The following KRTCAP2 variants were observed in gnomAD, a reference collection of about 807,000 sequenced individuals.
KRTCAP2 encodes the protein keratinocyte associated protein 2, also known as dolichyl-diphosphooligosaccharide--protein glycosyltransferase subunit KCP2.
KRTCAP2 carries 10 observed loss-of-function variants against 16.5 expected under a neutral mutation model. That is an observed-to-expected ratio of 0.60 (90% CI 0.37 to 1.02). The LOEUF (loss-of-function observed/expected upper bound fraction) is 1.02, where lower values mean the gene tolerates loss of function less well. Among genes scored for constraint, KRTCAP2 ranks in the 50% least tolerant of loss-of-function variants. KRTCAP2 has a pLI of 0.01. For missense variants in KRTCAP2, 152 were observed against 159.6 expected, an observed-to-expected ratio of 0.95 and a Z score of 0.26; for synonymous variants, 68 against 69.8, an observed-to-expected ratio of 0.97 and a Z score of 0.13.
In KRTCAP2 at chr1:155,172,679, G is replaced by T. The variant is rs375445153; in HGVS notation, c.160-51C>A. ...GTGTGCAACGGGGACAGAGCTGTGT[G>T]GGGAAGGGGAAGGGCACATGCCTAC... On this transcript the variant is annotated intron_variant, in intron 2 of 4. Coordinates refer to ENST00000295682, the MANE Select transcript of KRTCAP2 (RefSeq NM_173852.4). 54 of 1,613,950 alleles carry T rather than the reference G, an allele frequency of 3.3e-5. No individual in the cohort carries two copies. In the African/African-American group the frequency reaches 6.7e-4, roughly 20 times the overall value.
At position 155,171,501 on chromosome 1, in the gene KRTCAP2, T is replaced by C. The variant is rs187975915; in HGVS notation, c.223+1064A>G. 411 of 983,086 alleles carry C rather than the reference T, an allele frequency of 4.2e-4. 6 individuals carry two copies. In the Admixed American group the frequency reaches 0.021, roughly 51 times the overall value. The allele number at this position is 983,086 out of a possible 1,614,324, so 60.9% of individuals were successfully genotyped here. A position where few individuals can be genotyped will look rare whatever the true frequency, so the allele number is the denominator to read the frequency against. Reference sequence around the variant, plus strand: ...AGAGAGAAGTCCCGGGGCTACTGGATGGAAAGAACTCTGAAGCCTGCAAAA... The same window carrying C: ...AGAGAGAAGTCCCGGGGCTACTGGACGGAAAGAACTCTGAAGCCTGCAAAA... On this transcript the variant is annotated intron_variant, in intron 3 of 4. Coordinates refer to ENST00000295682, the MANE Select transcript of KRTCAP2 (RefSeq NM_173852.4).
chr1:155,171,931 G>A (rs1665264710), intron 3 of KRTCAP2: 1 of 985,374 alleles, frequency 1.0e-6, no homozygotes, highest in Non-Finnish European at 1.2e-6. Flanking sequence ...TTTTACATGA[G>A]ATTGCATCTG....
chr1:155,171,488 C>G, intron 3 of KRTCAP2: 1 of 984,862 alleles, frequency 1.0e-6, no homozygotes, highest in Non-Finnish European at 1.2e-6. Context: ...AGAGAAGTCC[C>G]GGGGCTACTG....
At chr1:155,171,869 A>AG in intron 3 of KRTCAP2, 1 of 959,252 alleles carries the variant, frequency 1.0e-6, no homozygotes, top group Non-Finnish European at 1.2e-6. Context: ...AAAAAAAAAA[A>AG]GAGAAAAGAT....
chr1:155,173,192 C>T lies in KRTCAP2; in HGVS notation c.4+29G>A, dbSNP rs74980878. Reference sequence around the variant, plus strand: ...ACCCAAACCCCGACCCCCTCTAGGACTTCCTGGGGACCCCACCGGTCCTGT... The same window carrying T: ...ACCCAAACCCCGACCCCCTCTAGGATTTCCTGGGGACCCCACCGGTCCTGT... On this transcript the variant is annotated intron_variant, in intron 1 of 4. Coordinates refer to ENST00000295682, the MANE Select transcript of KRTCAP2 (RefSeq NM_173852.4). 3,214 of 1,601,066 alleles carry T rather than the reference C, an allele frequency of 2.0e-3. 65 individuals carry two copies. In the African/African-American group the frequency reaches 0.038, roughly 19 times the overall value.
Position 155,172,763 on chromosome 1 carries a change from G to A in KRTCAP2, c.134C>T (p.Ser45Leu), listed in dbSNP as rs768462233. The A allele has an allele frequency of 1.9e-6, 3 of 1,614,184 alleles. No homozygotes were observed. The highest frequency in any genetic ancestry group is 1.7e-6 in the Non-Finnish European group (2 of 1,180,024). The change falls in exon 2 of 5, where the codon TCG becomes TTG. Residue 45 changes from serine to leucine, a missense_variant. Physicochemically the swap from Ser to Leu is moderately radical, Grantham distance 145 (BLOSUM62 -2). Transcript: ENST00000295682. Reference protein sequence around the residue: ...WLTIQGGLLGSGLFVFSLTAF... With the variant: ...WLTIQGGLLGLGLFVFSLTAF... The stretch of plus-strand genomic sequence containing the variant: ...AGTGAGCGAGAACACGAAGAGACCC[G>A]AACCAAGCAGGCCGCCCTGGATGGT...
intron 3 of KRTCAP2, 51 bp downstream of exon 3, chr1:155,172,514 G>A: frequency 6.2e-7 from 1 of 1,614,008 alleles, no homozygotes; most frequent in Non-Finnish European, 8.5e-7. Flanking sequence ...TCATGTTTCA[G>A]GAGGTTAAAG....
chr1:155,169,636 C>T, intron 4 of KRTCAP2, 76 bp from the exon 5 acceptor site: 1 of 1,524,812 alleles, frequency 6.6e-7, no homozygotes, highest in South Asian at 1.2e-5. Context: ...AAGACACTAG[C>T]ATCAAGGAAA....
rs376639701 is a variant in KRTCAP2, at chr1:155,172,952, G to A, written c.5-60C>T. 9.5e-6 allele frequency: 15 copies of A among 1,572,122 alleles called. No individual in the cohort carries two copies. The South Asian group carries it at 1.0e-4, about 11-fold the overall frequency. On this transcript the variant is annotated intron_variant, in intron 1 of 4. Coordinates refer to ENST00000295682, the MANE Select transcript of KRTCAP2 (RefSeq NM_173852.4). ...CTCCGCCCTCCCTCCGGCAAGCTAC[G>A]GGCAGATCAGCCGGTCCGGAAGCTC...
intron 3 of KRTCAP2, 108 bp downstream of exon 3, chr1:155,172,457 A>G: frequency 6.3e-7 from 1 of 1,585,746 alleles, no homozygotes; most frequent in Non-Finnish European, 8.6e-7. Flanking sequence ...TTCAGTAAAT[A>G]TATTTCTCCT....
Position 155,173,254 on chromosome 1 carries a change from C to T in KRTCAP2, c.-30G>A. On this transcript the variant is annotated 5_prime_UTR_variant, in exon 1 of 5. Transcript: ENST00000295682. ...CCCCGCCCGTGAGTCCAACCGGCGC[C>T]TCTGGCCAAGAAAGGCGAGCTGAAC... 1.2e-6 allele frequency: 2 copies of T among 1,614,176 alleles called. No homozygotes were observed. The highest frequency in any genetic ancestry group is 1.7e-6 in the Non-Finnish European group (2 of 1,180,038).
rs1244108436 is a variant in KRTCAP2, at chr1:155,169,462, C to A, written c.389G>T (p.Gly130Val). The A allele has an allele frequency of 2.5e-6, 4 of 1,613,942 alleles. No homozygotes were observed. The highest frequency in any genetic ancestry group is 3.4e-6 in the Non-Finnish European group (4 of 1,179,968). Residue 130 changes from glycine to valine, a missense_variant, in exon 5 of 5, where the codon GGC (glycine) becomes GTC (valine). Transcript: ENST00000295682. ...APVLTPAKVTGKSKKRN is the reference protein window; with the variant it reads ...APVLTPAKVTVKSKKRN ...GGGTCAGTTTCTCTTCTTGCTCTTG[C>A]CTGTGACCTTGGCTGGTGTGAGGAC...
Position 155,172,730 on chromosome 1 carries a change from G to A in KRTCAP2, c.159+8C>T, listed in dbSNP as rs745330956. The A allele has an allele frequency of 6.8e-6, 11 of 1,614,190 alleles. No individual in the cohort carries two copies. The South Asian group carries it at 9.9e-5, about 15-fold the overall frequency. On this transcript the variant is annotated splice_region_variant and intron_variant, in intron 2 of 4. Transcript: ENST00000295682. ...GTGGCCCGCCCCCTCCAACTGCAGGGAGGATACAGTGAGCGAGAACACGAA... is the reference window on the plus strand; with the variant it reads ...GTGGCCCGCCCCCTCCAACTGCAGGAAGGATACAGTGAGCGAGAACACGAA...
At chr1:155,173,066 G>C (rs919441739) in intron 1 of KRTCAP2, 155 bp downstream of exon 1, 11 of 935,022 alleles carry the variant, frequency 1.2e-5, no homozygotes, top group Non-Finnish European at 1.8e-5. Context: ...GTATTCCCCA[G>C]CCCCGGACAC....
At chr1:155,170,014 T>C in intron 3 of KRTCAP2, 157 bp from the exon 4 acceptor site, 1 of 577,570 alleles carries the variant, frequency 1.7e-6, no homozygotes, top group Non-Finnish European at 3.2e-6. Flanking sequence ...ATTACCTTAA[T>C]GATACCCAGA....
rs746262811 is a variant in KRTCAP2, at chr1:155,172,597, C to T, written c.191G>A (p.Gly64Asp). 1.1e-4 allele frequency: 170 copies of T among 1,614,070 alleles called. 2 individuals carry two copies. In the South Asian group the frequency reaches 1.8e-3, roughly 17 times the overall value. ...GAAGATCTTTGCTTGGAATCCTTTG[C>T]CAAAGACAAGATTCTCCAGATTATT... ...AFNNLENLVF[G>D]KGFQAKIFPE... The change falls in exon 3 of 5, where the codon GGC becomes GAC. Residue 64 changes from glycine to aspartate, a missense_variant. Transcript: ENST00000295682.
chr1:155,173,205 C>G lies in KRTCAP2; in HGVS notation c.4+16G>C. ...CCCCCTCTAGGACTTCCTGGGGACCCCACCGGTCCTGTTACCCATCATGCC... is the reference window on the plus strand; with the variant it reads ...CCCCCTCTAGGACTTCCTGGGGACCGCACCGGTCCTGTTACCCATCATGCC... On this transcript the variant is annotated intron_variant, in intron 1 of 4. Transcript: ENST00000295682. 6.2e-7 allele frequency: 1 copy of G among 1,611,232 alleles called. No individual in the cohort carries two copies. The highest frequency in any genetic ancestry group is 1.9e-4 in the Middle Eastern group (1 of 5,216).
chr1:155,171,713 C>G, intron 3 of KRTCAP2: 1 of 554,756 alleles, frequency 1.8e-6, no homozygotes, highest in Non-Finnish European at 2.3e-6. Context: ...AAAACAGTAG[C>G]TGGGTGTGGT....
At position 155,173,264 on chromosome 1, in the gene KRTCAP2, G is replaced by A. The variant is rs760086496; in HGVS notation, c.-40C>T. ...GAGTCCAACCGGCGCCTCTGGCCAA[G>A]AAAGGCGAGCTGAACCGGGTGCGGT... is the stretch of plus-strand genomic sequence containing the variant. On this transcript the variant is annotated 5_prime_UTR_variant, in exon 1 of 5. Coordinates refer to ENST00000295682, the MANE Select transcript of KRTCAP2 (RefSeq NM_173852.4). The A allele has an allele frequency of 1.9e-6, 3 of 1,614,184 alleles. No homozygotes were observed. Among genetic ancestry groups the A allele is most frequent in the Non-Finnish European group, 2.5e-6 (3 of 1,180,016 alleles).
Sources: gnomAD v4.1 joint callset for allele counts on GRCh38, gnomAD v4.1.1 for gene constraint, MANE v1.5 for transcripts, NCBI Gene and HGNC (gene_info 2026-07-23, HGNC 2026-07-21) for gene names.